ST6GALNAC3: variants seen among roughly 807,000 people sequenced by gnomAD.
ST6GALNAC3 encodes ST6 N-acetylgalactosaminide alpha-2,6-sialyltransferase 3.
ST6GALNAC3 carries 25 observed loss-of-function variants against 32.7 expected under a neutral mutation model. The ratio of observed to expected loss-of-function variants is 0.76; its 90% CI spans 0.56 to 1.07. The LOEUF (loss-of-function observed/expected upper bound fraction) is 1.07, where lower values mean the gene tolerates loss of function less well. Among genes scored for constraint, ST6GALNAC3 ranks in the 50% least tolerant of loss-of-function variants. ST6GALNAC3 has a pLI of 0.00. For synonymous variants in ST6GALNAC3, 129 were observed against 133.1 expected, an observed-to-expected ratio of 0.97 and a Z score of 0.21; for missense variants, 355 against 382.4, an observed-to-expected ratio of 0.93 and a Z score of 0.60.
chr1:76,439,513 G>T (rs2101494775), intron 3 of ST6GALNAC3, among the ~76,000 whole-genome samples: 1 of 152,314 alleles, frequency 6.6e-6, no homozygotes, highest in East Asian at 1.9e-4. Context: ...TTTAACAAAA[G>T]TATACCAGCT....
chr1:76,324,207 A>G (rs1035867208), intron 2 of ST6GALNAC3, among the ~76,000 whole-genome samples: 3 of 152,180 alleles, frequency 2.0e-5, no homozygotes, highest in African/African-American at 7.2e-5. Context: ...TAGAACTTTC[A>G]CTATCATTTA....
intron 1 of ST6GALNAC3, among the ~76,000 whole-genome samples, chr1:76,249,812 A>C (rs967686936): frequency 2.0e-5 from 3 of 152,144 alleles, no homozygotes; most frequent in African/African-American, 7.2e-5. Flanking sequence ...AGTGACTATG[A>C]AGTGTGTCTT....
At chr1:76,249,466 C>T (rs1012064064) in intron 1 of ST6GALNAC3, among the ~76,000 whole-genome samples, 2 of 152,014 alleles carry the variant, frequency 1.3e-5, no homozygotes, top group Non-Finnish European at 2.9e-5. Context: ...TGTATCAATA[C>T]TTCATTCTTT....
At chr1:76,091,503 A>G (rs961472302) in intron 1 of ST6GALNAC3, among the ~76,000 whole-genome samples, 7 of 152,216 alleles carry the variant, frequency 4.6e-5, no homozygotes, top group Non-Finnish European at 7.3e-5. Context: ...CAAGGCAGCT[A>G]TTGATGGAGT....
intron 3 of ST6GALNAC3, among the ~76,000 whole-genome samples, chr1:76,585,587 T>A (rs1235664703): frequency 6.6e-6 from 1 of 152,058 alleles, no homozygotes; most frequent in Non-Finnish European, 1.5e-5. Context: ...AGATGCACAG[T>A]TCATGCTGGA....
At chr1:76,340,224 C>G (rs779951323) in intron 2 of ST6GALNAC3, among the ~76,000 whole-genome samples, 3 of 152,126 alleles carry the variant, frequency 2.0e-5, no homozygotes, top group Non-Finnish European at 4.4e-5. Context: ...TATTTTGTGT[C>G]TATATAAAAG....
chr1:76,481,648 A>T (rs921510494), intron 3 of ST6GALNAC3, among the ~76,000 whole-genome samples: 1 of 152,204 alleles, frequency 6.6e-6, no homozygotes, highest in African/African-American at 2.4e-5. Flanking sequence ...AGACTTTAAC[A>T]ATCATAGTTC....
chr1:76,496,944 A>G (rs984868256), intron 3 of ST6GALNAC3, among the ~76,000 whole-genome samples: 5 of 152,156 alleles, frequency 3.3e-5, no homozygotes, highest in African/African-American at 1.2e-4. Flanking sequence ...AGCTGGGGCC[A>G]TTCTGCCCTC....
At chr1:76,429,101 A>T (rs960316545) in intron 3 of ST6GALNAC3, among the ~76,000 whole-genome samples, 1 of 152,014 alleles carries the variant, frequency 6.6e-6, no homozygotes, top group Non-Finnish European at 1.5e-5. Context: ...CTGTGCTTAT[A>T]TATTTGTGTG....
chr1:76,522,129 T>C (rs1570082530), intron 3 of ST6GALNAC3, among the ~76,000 whole-genome samples: 1 of 152,110 alleles, frequency 6.6e-6, no homozygotes, highest in South Asian at 2.1e-4. Flanking sequence ...TTCTGGCTTA[T>C]ATCATTTCTA....
At chr1:76,381,199 GACC>G (rs1280387482) in intron 2 of ST6GALNAC3, among the ~76,000 whole-genome samples, 3 of 111,316 alleles carry the variant, frequency 2.7e-5, no homozygotes, top group African/African-American at 9.1e-5. Context: ...AAAAAAAAAA[GACC>G]ACTTCTTTAG....
chr1:76,516,319 A>G (rs1404532495), intron 3 of ST6GALNAC3, among the ~76,000 whole-genome samples: 4 of 152,202 alleles, frequency 2.6e-5, no homozygotes, highest in African/African-American at 9.6e-5. Flanking sequence ...CATATATTAT[A>G]CATTTCCTTC....
At chr1:76,203,318 A>C (rs1428041931) in intron 1 of ST6GALNAC3, among the ~76,000 whole-genome samples, 2 of 152,214 alleles carry the variant, frequency 1.3e-5, no homozygotes, top group African/African-American at 4.8e-5. Flanking sequence ...AAGTGCAGCC[A>C]TGTGTGAGAA....
chr1:76,597,809 A>C (rs1034356445), intron 3 of ST6GALNAC3, among the ~76,000 whole-genome samples: 3 of 152,086 alleles, frequency 2.0e-5, no homozygotes, highest in Admixed American at 2.0e-4. Context: ...TGGGGTCTAC[A>C]CCGTTTCCAA....
intron 2 of ST6GALNAC3, among the ~76,000 whole-genome samples, chr1:76,361,100 A>G (rs1253570099): frequency 6.6e-6 from 1 of 152,138 alleles, no homozygotes; most frequent in Non-Finnish European, 1.5e-5. Flanking sequence ...AAAATTTAGC[A>G]TCTTAACCAT....
chr1:76,137,815 T>A (rs980572731), intron 1 of ST6GALNAC3, among the ~76,000 whole-genome samples: 1 of 152,178 alleles, frequency 6.6e-6, no homozygotes, highest in Non-Finnish European at 1.5e-5. Flanking sequence ...GCAGGAAATA[T>A]CTATATGATT....
chr1:76,186,767 C>T (rs1653582608), intron 1 of ST6GALNAC3, among the ~76,000 whole-genome samples: 3 of 152,206 alleles, frequency 2.0e-5, no homozygotes, highest in African/African-American at 7.2e-5. Context: ...GGGCCCTTCT[C>T]ATGTTCCTCT....
intron 1 of ST6GALNAC3, among the ~76,000 whole-genome samples, chr1:76,154,610 G>C (rs975862323): frequency 3.3e-5 from 5 of 152,166 alleles, no homozygotes; most frequent in Admixed American, 2.0e-4. Flanking sequence ...TGTACATCCA[G>C]GCTGCTCTTC....
chr1:76,600,421 A>G (rs564203518), intron 3 of ST6GALNAC3, among the ~76,000 whole-genome samples: 189 of 133,634 alleles, frequency 1.4e-3, no homozygotes, highest in African/African-American at 5.5e-3. Flanking sequence ...TGAAAAGTCA[A>G]ATTTCAACCC....
Sources: gnomAD v4.1 joint callset for allele counts (sites outside exome capture counted in the v4.1 genomes callset) on GRCh38, gnomAD v4.1.1 for gene constraint, MANE v1.5 for transcripts, NCBI Gene and HGNC (gene_info 2026-07-23, HGNC 2026-07-21) for gene names.